PCSK2: variants seen among roughly 807,000 people sequenced by gnomAD.
PCSK2 encodes the protein proprotein convertase subtilisin/kexin type 2.
In PCSK2, 14 loss-of-function variants were observed where a neutral mutation model predicts 69.7. The observed-to-expected ratio is 0.20, with a 90% CI of 0.13 to 0.31. PCSK2 has a LOEUF of 0.31. Among genes scored for constraint, PCSK2 ranks in the 10% least tolerant of loss-of-function variants. PCSK2 has a pLI of 1.00. For synonymous variants in PCSK2, 307 were observed against 320.7 expected (o/e 0.96, Z 0.46); for missense variants, 544 against 842.5 (o/e 0.65, Z 4.39).
intron 11 of PCSK2, among the ~76,000 whole-genome samples, chr20:17,473,600 T>TC (rs2033242142): frequency 6.6e-6 from 1 of 152,336 alleles, no homozygotes; most frequent in African/African-American, 2.4e-5. Flanking sequence ...TAAGAATGTT[T>TC]CATTCCTTTT....
At chr20:17,272,658 T>C (rs1987915679) in intron 2 of PCSK2, among the ~76,000 whole-genome samples, 1 of 152,060 alleles carries the variant, frequency 6.6e-6, no homozygotes, top group South Asian at 2.1e-4. Context: ...ATGACAAAGT[T>C]CAGAACCCTC....
chr20:17,422,954 C>T (rs1331360689), intron 6 of PCSK2, among the ~76,000 whole-genome samples: 2 of 152,134 alleles, frequency 1.3e-5, no homozygotes, highest in Non-Finnish European at 2.9e-5. Context: ...ACACCACATA[C>T]TGAGCATAAA....
intron 8 of PCSK2, among the ~76,000 whole-genome samples, chr20:17,444,730 C>T (rs1316608184): frequency 6.6e-6 from 1 of 152,162 alleles, no homozygotes; most frequent in Non-Finnish European, 1.5e-5. Flanking sequence ...GGTATGTTAT[C>T]CTGCCAGTCA....
At chr20:17,476,139 G>C (rs928814079) in intron 11 of PCSK2, among the ~76,000 whole-genome samples, 2 of 152,184 alleles carry the variant, frequency 1.3e-5, no homozygotes, top group African/African-American at 4.8e-5. Context: ...CCTCCAGAGA[G>C]GTGGCCAGAA....
intron 2 of PCSK2, among the ~76,000 whole-genome samples, chr20:17,301,262 G>A (rs1383642924): frequency 1.3e-5 from 2 of 152,110 alleles, no homozygotes; most frequent in African/African-American, 2.4e-5. Context: ...TCATCATTTT[G>A]GTGGAGGAGA....
intron 2 of PCSK2, among the ~76,000 whole-genome samples, chr20:17,331,643 T>A (rs1164085811): frequency 6.6e-6 from 1 of 152,126 alleles, no homozygotes; most frequent in African/African-American, 2.4e-5. Flanking sequence ...TTGGGGCACT[T>A]AAATGATCTC....
At chr20:17,353,046 CA>C (rs1418752758) in intron 2 of PCSK2, among the ~76,000 whole-genome samples, 1 of 152,098 alleles carries the variant, frequency 6.6e-6, no homozygotes, top group Admixed American at 6.5e-5. Context: ...AGATACTTCT[CA>C]AAAAACACAC....
chr20:17,250,681 C>T (rs747899702), intron 1 of PCSK2, among the ~76,000 whole-genome samples: 9 of 152,094 alleles, frequency 5.9e-5, no homozygotes, highest in Non-Finnish European at 1.3e-4. Flanking sequence ...TTTCCCTGCA[C>T]CTCAGTTTAC....
At chr20:17,392,766 T>C (rs2031416382) in intron 5 of PCSK2, among the ~76,000 whole-genome samples, 1 of 152,236 alleles carries the variant, frequency 6.6e-6, no homozygotes, top group Non-Finnish European at 1.5e-5. Context: ...TGTTCTTTTT[T>C]ATTGTTGCGT....
chr20:17,269,212 C>T (rs987212333), intron 2 of PCSK2, among the ~76,000 whole-genome samples: 1 of 152,068 alleles, frequency 6.6e-6, no homozygotes, highest in East Asian at 1.9e-4. Context: ...AATTGAGAGG[C>T]ATCCATCTAT....
intron 4 of PCSK2, among the ~76,000 whole-genome samples, chr20:17,363,182 G>A (rs187180209): frequency 4.6e-5 from 7 of 152,302 alleles, no homozygotes; most frequent in Admixed American, 2.0e-4. Context: ...AATCATCTGC[G>A]TGCAGAAGTT....
intron 8 of PCSK2, among the ~76,000 whole-genome samples, chr20:17,452,502 T>C (rs926423749): frequency 6.6e-6 from 1 of 152,230 alleles, no homozygotes; most frequent in Non-Finnish European, 1.5e-5. Flanking sequence ...TCATCTCTCT[T>C]CCTTCTGGCT....
intron 2 of PCSK2, among the ~76,000 whole-genome samples, chr20:17,353,775 A>T (rs543704123): frequency 1.9e-4 from 29 of 152,338 alleles, no homozygotes; most frequent in Non-Finnish European, 3.7e-4. Context: ...GGATAAAGAA[A>T]ATGTGGTACA....
chr20:17,301,339 G>C (rs779674515), intron 2 of PCSK2, among the ~76,000 whole-genome samples: 57 of 152,132 alleles, frequency 3.7e-4, no homozygotes, highest in Non-Finnish European at 3.7e-4. Flanking sequence ...GAGGAGGAGG[G>C]CTCTGATATC....
intron 2 of PCSK2, among the ~76,000 whole-genome samples, chr20:17,295,782 T>C (rs1988872574): frequency 6.6e-6 from 1 of 152,062 alleles, no homozygotes; most frequent in Non-Finnish European, 1.5e-5. Context: ...TCTGGAACTC[T>C]TGGCCTCAAG....
intron 2 of PCSK2, among the ~76,000 whole-genome samples, chr20:17,297,396 GA>G (rs1290302442): frequency 1.3e-5 from 2 of 152,218 alleles, no homozygotes; most frequent in African/African-American, 2.4e-5. Context: ...TGCTATGGTG[GA>G]GTTGCCTGGG....
intron 11 of PCSK2, among the ~76,000 whole-genome samples, chr20:17,471,309 T>A (rs190771245): frequency 6.6e-6 from 1 of 152,230 alleles, no homozygotes; most frequent in East Asian, 1.9e-4. Flanking sequence ...GATGTGATCA[T>A]CCCAACATCT....
intron 2 of PCSK2, among the ~76,000 whole-genome samples, chr20:17,329,405 C>T: frequency 6.6e-6 from 1 of 152,100 alleles, no homozygotes; most frequent in East Asian, 1.9e-4. Flanking sequence ...TATTTTTAAA[C>T]TTATGAAAAT....
chr20:17,463,433 A>G (rs1215557288), intron 10 of PCSK2: 1 of 152,092 alleles, frequency 6.6e-6, no homozygotes, highest in Non-Finnish European at 1.5e-5. Context: ...ATTTTACACC[A>G]TATGTCCAAG....
Sources: allele counts gnomAD v4.1 joint callset (sites outside exome capture counted in the v4.1 genomes callset), GRCh38; gene constraint gnomAD v4.1.1; transcripts MANE v1.5; gene names NCBI Gene and HGNC (gene_info 2026-07-23, HGNC 2026-07-21).